CAMK1G: variants seen among roughly 807,000 people sequenced by gnomAD.
CAMK1G encodes the protein calcium/calmodulin-dependent protein kinase type 1G.
CAMK1G carries 27 observed loss-of-function variants against 54.8 expected under a neutral mutation model. The observed-to-expected ratio is 0.49, with a 90% confidence interval of 0.36 to 0.68. The LOEUF (loss-of-function observed/expected upper bound fraction) is 0.68, where lower values mean the gene tolerates loss of function less well. CAMK1G is among the 30% of genes least tolerant of loss of function. The pLI, the probability that CAMK1G is intolerant of heterozygous loss-of-function variation, is 0.00. For synonymous variants in CAMK1G, 238 were observed against 224.9 expected (o/e 1.06, Z -0.52); for missense variants, 512 against 591.0 (o/e 0.87, Z 1.39).
chr1:209,584,717 T>C (rs1187210475), intron 1 of CAMK1G, among the ~76,000 whole-genome samples: 3 of 152,112 alleles, frequency 2.0e-5, no homozygotes, highest in African/African-American at 7.2e-5. Context: ...GAGGAAAGCC[T>C]CTGAGAAGGG....
chr1:209,599,944 C>A (rs1178094681), intron 2 of CAMK1G, 39 bp from the exon 3 acceptor site: 2 of 1,608,492 alleles, frequency 1.2e-6, no homozygotes, highest in African/African-American at 1.3e-5. Flanking sequence ...AAGATGTCTG[C>A]CCCCTACTAA....
chr1:209,600,216 T>G lies in CAMK1G; in HGVS notation c.221+105T>G, dbSNP rs1665493080. ...ACTGGATTTCTGCACCCAAAGGCAT[T>G]GCTCACTTTGATTGAGTTGATGGGT... On this transcript the variant is annotated intron_variant, in intron 3 of 12. Transcript: ENST00000361322. 5.1e-6 allele frequency: 7 copies of G among 1,363,188 alleles called. No homozygotes were observed. The South Asian group carries it at 6.6e-5, about 13-fold the overall frequency. The allele number at this position is 1,363,188 out of a possible 1,614,324, so 84.4% of individuals were successfully genotyped here.
chr1:209,587,169 A>G (rs1053262454), intron 1 of CAMK1G, among the ~76,000 whole-genome samples: 8 of 152,058 alleles, frequency 5.3e-5, no homozygotes, highest in Admixed American at 5.2e-4. Context: ...CAGCTTTGGC[A>G]AGCAGATGAG....
At chr1:209,599,100 C>G (rs897438250) in intron 2 of CAMK1G, among the ~76,000 whole-genome samples, 11 of 152,132 alleles carry the variant, frequency 7.2e-5, no homozygotes, top group African/African-American at 2.4e-4. Context: ...GGAAGAAGTG[C>G]CAAGCAAAGG....
intron 1 of CAMK1G, among the ~76,000 whole-genome samples, chr1:209,585,128 GGT>G (rs149329373): frequency 1.6e-3 from 246 of 150,766 alleles, no homozygotes; most frequent in African/African-American, 5.2e-3. Flanking sequence ...AGATTGCTCT[GGT>G]GTGTGTGTGT....
chr1:209,610,420 C>A (rs936472067), intron 9 of CAMK1G, among the ~76,000 whole-genome samples: 2 of 152,140 alleles, frequency 1.3e-5, no homozygotes, highest in African/African-American at 4.8e-5. Flanking sequence ...CACTTCATAC[C>A]CCAGCAAGCC....
intron 1 of CAMK1G, among the ~76,000 whole-genome samples, chr1:209,587,111 G>A (rs750023559): frequency 2.0e-5 from 3 of 151,978 alleles, no homozygotes; most frequent in Admixed American, 6.5e-5. Flanking sequence ...GGTCCTTGGA[G>A]TTTCTCTCCA....
At chr1:209,599,089 A>G (rs1005779293) in intron 2 of CAMK1G, among the ~76,000 whole-genome samples, 2 of 152,236 alleles carry the variant, frequency 1.3e-5, no homozygotes, top group African/African-American at 4.8e-5. Context: ...ACAAGGCGGC[A>G]GGAAGAAGTG....
In CAMK1G at chr1:209,611,881, C is replaced by G. The variant is rs1456061643; in HGVS notation, c.1005C>G (p.Asn335Lys). Residue 335 changes from asparagine to lysine, a missense_variant, in exon 11 of 13, where the codon AAC becomes AAG. Around this residue, in one of 3 missense-constraint regions of CAMK1G, gnomAD observed 315 missense variants for 330.5 expected, o/e 0.95. Transcript: ENST00000361322. ...CGGGCGTCCGCCCAGAGGTGGAGAACAGGCCGCCTGAAACTCAAGCCTCAG... is the reference window on the plus strand; with the variant it reads ...CGGGCGTCCGCCCAGAGGTGGAGAAGAGGCCGCCTGAAACTCAAGCCTCAG... ...HSPGVRPEVE[N>K]RPPETQASET... 6 of 1,614,138 alleles carry G rather than the reference C, an allele frequency of 3.7e-6. No homozygotes were observed. The highest frequency in any genetic ancestry group is 5.1e-6 in the Non-Finnish European group (6 of 1,180,060).
At chr1:209,608,864 G>A (rs1665713171) in intron 7 of CAMK1G, 116 bp from the exon 8 acceptor site, 8 of 1,446,226 alleles carry the variant, frequency 5.5e-6, no homozygotes, top group Non-Finnish European at 6.5e-6. Context: ...TCACACCACT[G>A]TTCTGGGACC....
chr1:209,592,005 G>A (rs1665265793), intron 1 of CAMK1G, among the ~76,000 whole-genome samples: 1 of 152,140 alleles, frequency 6.6e-6, no homozygotes, highest in African/African-American at 2.4e-5. Flanking sequence ...GGGAGGTGGA[G>A]TCAGGCAGAA....
At chr1:209,604,817 G>A (rs1292221245) in intron 4 of CAMK1G, among the ~76,000 whole-genome samples, 1 of 152,054 alleles carries the variant, frequency 6.6e-6, no homozygotes, top group East Asian at 1.9e-4. Context: ...AGAAATGACA[G>A]GGCATCAGGT....
chr1:209,587,069 C>T (rs1224697648), intron 1 of CAMK1G, among the ~76,000 whole-genome samples: 1 of 151,988 alleles, frequency 6.6e-6, no homozygotes, highest in Non-Finnish European at 1.5e-5. Context: ...TGCAGAATGG[C>T]AGTGGCAGAA....
chr1:209,606,165 G>A (rs927023344), intron 5 of CAMK1G, 155 bp from the exon 6 acceptor site: 3 of 401,554 alleles, frequency 7.5e-6, no homozygotes, highest in Middle Eastern at 1.2e-3. Context: ...GTGTGAGGGT[G>A]CAGGTAGGAG....
At chr1:209,589,227 C>G (rs931191059) in intron 1 of CAMK1G, among the ~76,000 whole-genome samples, 1 of 152,168 alleles carries the variant, frequency 6.6e-6, no homozygotes, top group East Asian at 1.9e-4. Flanking sequence ...TAGACGGACT[C>G]TAGGTAGAAT....
chr1:209,601,589 T>C (rs965075065), intron 3 of CAMK1G, among the ~76,000 whole-genome samples: 12 of 152,336 alleles, frequency 7.9e-5, no homozygotes, highest in African/African-American at 2.2e-4. Flanking sequence ...GCAAGGACCA[T>C]GTCATTTTTC....
chr1:209,595,160 A>G (rs1571775872), intron 2 of CAMK1G, 85 bp downstream of exon 2: 1 of 944,724 alleles, frequency 1.1e-6, no homozygotes, highest in East Asian at 2.4e-5. Context: ...GCAGCAATTG[A>G]TGAACTGGAC....
At chr1:209,605,306 G>A (rs957428621) in intron 4 of CAMK1G, among the ~76,000 whole-genome samples, 1 of 152,164 alleles carries the variant, frequency 6.6e-6, no homozygotes, top group African/African-American at 2.4e-5. Flanking sequence ...AATTTTCAGA[G>A]AGAGAGGTCA....
At chr1:209,611,666 G>C (rs2076226) in intron 10 of CAMK1G, 114 bp downstream of exon 10, 541,095 of 1,462,890 alleles carry the variant, frequency 0.37, 101,009 homozygotes, top group African/African-American at 0.45. Context: ...TTGGAGCTCC[G>C]TGTACCCTCT....
Sources: allele counts gnomAD v4.1 joint callset (sites outside exome capture counted in the v4.1 genomes callset), GRCh38; gene constraint gnomAD v4.1.1; regional missense constraint gnomAD v4.1.1; transcripts MANE v1.5; gene names NCBI Gene and HGNC (gene_info 2026-07-23, HGNC 2026-07-21).